Variants in UBAC2 observed in about 807,000 individuals in gnomAD.
The protein encoded by UBAC2 is ubiquitin-associated domain-containing protein 2.
A neutral mutation model predicts 44.0 loss-of-function variants in UBAC2; 26 were observed. The observed-to-expected ratio is 0.59, with a 90% CI of 0.43 to 0.82. The LOEUF (loss-of-function observed/expected upper bound fraction) is 0.82. Among genes scored for constraint, UBAC2 ranks in the 40% least tolerant of loss-of-function variants. The probability of loss-of-function intolerance (pLI) is 0.00; values close to 1 mark genes in which losing one functional copy is unlikely to be tolerated. For missense variants in UBAC2, 329 were observed against 419.4 expected (o/e 0.78, Z 1.88); for synonymous variants, 155 against 154.3 (o/e 1.00, Z -0.04).
intron 6 of UBAC2, among the ~76,000 whole-genome samples, chr13:99,335,253 G>T (rs1029052125): frequency 6.6e-6 from 1 of 152,064 alleles, no homozygotes; most frequent in African/African-American, 2.4e-5. Context: ...TTAATATTTT[G>T]TTATGTTTAT....
chr13:99,249,151 T>A (rs1225555878), intron 4 of UBAC2, among the ~76,000 whole-genome samples: 1 of 152,130 alleles, frequency 6.6e-6, no homozygotes, highest in Non-Finnish European at 1.5e-5. Flanking sequence ...TATCCAGTAG[T>A]TAGTTTTTCA....
intron 7 of UBAC2, among the ~76,000 whole-genome samples, chr13:99,350,403 A>AC (rs2045065610): frequency 1.3e-5 from 2 of 152,004 alleles, no homozygotes; most frequent in Non-Finnish European, 2.9e-5. Context: ...TTTCAGCCCC[A>AC]CCCCCAACCT....
chr13:99,334,504 A>G (rs375744336), intron 6 of UBAC2, among the ~76,000 whole-genome samples: 12 of 152,242 alleles, frequency 7.9e-5, no homozygotes, highest in East Asian at 5.8e-4. Flanking sequence ...AGAACCTATC[A>G]GTGAGTTAAG....
chr13:99,206,765 C>T (rs2042877167), intron 1 of UBAC2, among the ~76,000 whole-genome samples: 1 of 152,232 alleles, frequency 6.6e-6, no homozygotes, highest in African/African-American at 2.4e-5. Flanking sequence ...TCAGTCATCT[C>T]CCTATGCTAC....
intron 7 of UBAC2, chr13:99,356,321 C>A: frequency 2.4e-6 from 1 of 420,126 alleles, no homozygotes; most frequent in South Asian, 1.8e-5. Flanking sequence ...AGGCGTGTGG[C>A]CTTTGGGACT....
intron 4 of UBAC2, among the ~76,000 whole-genome samples, chr13:99,273,037 CCTAA>C (rs1215971943): frequency 6.7e-6 from 1 of 149,690 alleles, no homozygotes; most frequent in African/African-American, 2.5e-5. Context: ...TCAAGATTAA[CCTAA>C]CTATTCTTCT....
At chr13:99,339,880 A>T (rs1333239195) in intron 6 of UBAC2, among the ~76,000 whole-genome samples, 1 of 152,246 alleles carries the variant, frequency 6.6e-6, no homozygotes, top group Non-Finnish European at 1.5e-5. Context: ...TCTCTGATAA[A>T]TTGATCGTGT....
intron 4 of UBAC2, among the ~76,000 whole-genome samples, chr13:99,245,965 G>C (rs2043378317): frequency 1.3e-5 from 2 of 152,160 alleles, no homozygotes; most frequent in South Asian, 4.1e-4. Context: ...CACTATTTGG[G>C]AAATGAGATA....
chr13:99,376,477 G>A (rs528789229), intron 8 of UBAC2, among the ~76,000 whole-genome samples: 1 of 152,330 alleles, frequency 6.6e-6, no homozygotes, highest in East Asian at 1.9e-4. Context: ...CTTCATCCCC[G>A]TGAGGGCGGA....
intron 4 of UBAC2, among the ~76,000 whole-genome samples, chr13:99,288,321 C>T (rs777857539): frequency 3.3e-5 from 5 of 152,184 alleles, no homozygotes; most frequent in Non-Finnish European, 4.4e-5. Flanking sequence ...CAGAAAGTAA[C>T]GTGGCCCCTG....
Position 99,382,586 on chromosome 13 carries a change from G to A in UBAC2, c.928-2642G>A, listed in dbSNP as rs867996247. Among the ~76,000 whole-genome samples, 10 of 152,170 alleles carry A rather than the reference G, an allele frequency of 6.6e-5. 1 individual carries two copies. The highest frequency in any genetic ancestry group is 6.5e-4 in the Admixed American group (10 of 15,280). The stretch of plus-strand genomic sequence containing the variant: ...TCTGGGCGCGGTGTTCTGAGACGGT[G>A]TGCACAAATGGGAGGGGATGGGCTG... On this transcript the variant is annotated intron_variant, in intron 8 of 8. Transcript: ENST00000403766.
intron 7 of UBAC2, among the ~76,000 whole-genome samples, chr13:99,364,704 T>C (rs540389845): frequency 2.0e-5 from 3 of 152,308 alleles, no homozygotes; most frequent in African/African-American, 7.2e-5. Context: ...TATATAATAA[T>C]AGTCATACAA....
chr13:99,323,720 C>A (rs1419172365), intron 6 of UBAC2, among the ~76,000 whole-genome samples: 1 of 152,136 alleles, frequency 6.6e-6, no homozygotes, highest in African/African-American at 2.4e-5. Context: ...CACTCCTGAC[C>A]ACAGGGAGCC....
At chr13:99,216,975 C>T (rs975885659) in intron 1 of UBAC2, among the ~76,000 whole-genome samples, 1 of 151,814 alleles carries the variant, frequency 6.6e-6, no homozygotes, top group African/African-American at 2.4e-5. Context: ...GGATTACAGG[C>T]GCCTGCCACC....
At chr13:99,273,078 G>A (rs2043838329) in intron 4 of UBAC2, among the ~76,000 whole-genome samples, 1 of 150,486 alleles carries the variant, frequency 6.6e-6, no homozygotes, top group South Asian at 2.1e-4. Flanking sequence ...AAGTTAATCA[G>A]TTATCTTTAA....
At chr13:99,286,616 A>G (rs1280120628) in intron 4 of UBAC2, among the ~76,000 whole-genome samples, 10 of 152,092 alleles carry the variant, frequency 6.6e-5, no homozygotes, top group Admixed American at 6.5e-5. Flanking sequence ...TAGTGACCAT[A>G]GTACCCCATA....
intron 8 of UBAC2, among the ~76,000 whole-genome samples, chr13:99,374,461 T>C (rs2138913812): frequency 6.6e-6 from 1 of 152,346 alleles, no homozygotes; most frequent in Admixed American, 6.5e-5. Context: ...ACACGTCGTG[T>C]GGATTCTGTT....
At chr13:99,255,947 T>C (rs2043547942) in intron 4 of UBAC2, 1 of 1,392,114 alleles carries the variant, frequency 7.2e-7, no homozygotes, top group African/African-American at 1.5e-5. Context: ...AAATCGTTGG[T>C]TAAAAAATAA....
At chr13:99,327,484 CTGTGTGTG>C (rs59174527) in intron 6 of UBAC2, among the ~76,000 whole-genome samples, 2 of 150,808 alleles carry the variant, frequency 1.3e-5, no homozygotes, top group African/African-American at 4.9e-5. Flanking sequence ...CTCTCTCTCT[CTGTGTGTG>C]TGTGTGTGTG....
Sources: allele counts gnomAD v4.1 joint callset (sites outside exome capture counted in the v4.1 genomes callset), GRCh38; gene constraint gnomAD v4.1.1; transcripts MANE v1.5; gene names NCBI Gene and HGNC (gene_info 2026-07-23, HGNC 2026-07-21).